The following ABCC11 variants were observed in gnomAD, a reference collection of about 807,000 sequenced individuals.
ABCC11 encodes ATP binding cassette subfamily C member 11.
ABCC11 carries 135 observed loss-of-function variants against 149.3 expected under a neutral mutation model. That is an observed-to-expected ratio of 0.90 (90% CI 0.79 to 1.04). ABCC11 has a LOEUF of 1.04. Among genes scored for constraint, ABCC11 ranks in the 50% least tolerant of loss-of-function variants. ABCC11 has a pLI of 0.00. For synonymous variants in ABCC11, 665 were observed against 671.4 expected (o/e 0.99, Z 0.15); for missense variants, 1,680 against 1,722.1 (o/e 0.98, Z 0.43).
At position 48,222,858 on chromosome 16, in the gene ABCC11, T is replaced by C. The variant is rs1482631111; in HGVS notation, c.544-27A>G. On this transcript the variant is annotated intron_variant, in intron 5 of 29. Coordinates refer to ENST00000356608, the MANE Select transcript of ABCC11 (RefSeq NM_001370497.1). The stretch of plus-strand genomic sequence containing the variant: ...TACAAGGAAATGGGAGTTTGGATCA[T>C]TCAGACCACCCTGCCAGACACGTTT... 5 of 1,569,224 alleles carry C rather than the reference T, an allele frequency of 3.2e-6. No individual in the cohort carries two copies. The African/African-American group carries it at 6.8e-5, about 21-fold the overall frequency.
At chr16:48,183,384 C>T (rs1819736116) in intron 23 of ABCC11, among the ~76,000 whole-genome samples, 1 of 152,240 alleles carries the variant, frequency 6.6e-6, no homozygotes, top group African/African-American at 2.4e-5. Context: ...CATCTCCCAG[C>T]CCCCAGTGTG....
chr16:48,175,168 T>C (rs1965966360), intron 26 of ABCC11, 90 bp downstream of exon 26: 6 of 1,488,838 alleles, frequency 4.0e-6, no homozygotes, highest in South Asian at 2.7e-5. Flanking sequence ...AATCGGGGCA[T>C]TGGTCACCAG....
rs778508011 is a variant in ABCC11 at position 48,196,257 on chromosome 16, G to A, written c.2379C>T (p.Tyr793=). ...CTCCAGCTGCCTGGATGTAGTGGTG[G>A]TAGACCCTCCAACTCAAGGAGCCTT... ...MEEGSLSWRV[Y]HHYIQAAGGY... The change falls in exon 18 of 30, where the codon TAC becomes TAT. Residue 793 remains tyrosine, a synonymous_variant. Transcript: ENST00000356608. The A allele has an allele frequency of 1.9e-6, 3 of 1,614,136 alleles. No homozygotes were observed. The highest frequency in any genetic ancestry group is 2.2e-5 in the East Asian group (1 of 44,864).
intron 6 of ABCC11, among the ~76,000 whole-genome samples, chr16:48,221,737 G>GGTGT (rs71973142): frequency 1.3e-5 from 2 of 150,052 alleles, no homozygotes; most frequent in African/African-American, 4.9e-5. Context: ...AACTATTTGG[G>GGTGT]GTGTGTGTGT....
chr16:48,229,383 G>T (rs916640206), intron 3 of ABCC11, among the ~76,000 whole-genome samples: 1 of 150,270 alleles, frequency 6.7e-6, no homozygotes, highest in Non-Finnish European at 1.5e-5. Context: ...AATGCAGTTT[G>T]TTGATAGATA....
At chr16:48,232,873 G>A (rs1970497959) in intron 1 of ABCC11, among the ~76,000 whole-genome samples, 1 of 152,184 alleles carries the variant, frequency 6.6e-6, no homozygotes, top group Non-Finnish European at 1.5e-5. Context: ...AAATTATGTA[G>A]TTGGTCCTGG....
chr16:48,209,712 A>G (rs1968752956), intron 11 of ABCC11: 1 of 152,226 alleles, frequency 6.6e-6, no homozygotes, highest in Non-Finnish European at 1.5e-5. Flanking sequence ...GTGGGGCGAG[A>G]GATACAAACT....
rs1165250152 is a variant in ABCC11, at chr16:48,193,930, TAAG to T, written c.2454_2456del (p.Phe818del). On this transcript the variant is annotated inframe_deletion, in exon 19 of 30. Transcript: ENST00000356608. The stretch of plus-strand genomic sequence containing the variant: ...TCAGCCACCAGAAGCTGAAGATCGT[TAAG>T]AAGACGATCAGCACCACGAAGAAGA... 1.2e-6 allele frequency: 2 copies of T among 1,613,874 alleles called. No individual in the cohort carries two copies. The highest frequency in any genetic ancestry group is 1.7e-6 in the Non-Finnish European group (2 of 1,179,918).
At chr16:48,213,066 T>A (rs1567268778) in intron 10 of ABCC11, among the ~76,000 whole-genome samples, 2 of 152,190 alleles carry the variant, frequency 1.3e-5, no homozygotes, top group African/African-American at 4.8e-5. Context: ...TTCTAATCAT[T>A]CAAGAGAATT....
chr16:48,170,028 G>A (rs1004554042), intron 28 of ABCC11, 77 bp downstream of exon 28: 1 of 1,134,076 alleles, frequency 8.8e-7, no homozygotes, highest in Non-Finnish European at 1.3e-6. Context: ...GTAGTGAAGG[G>A]AGAGGGAGCC....
rs1383866572 is a variant in ABCC11, at chr16:48,196,255, T to G, written c.2381A>C (p.His794Pro). The G allele has an allele frequency of 6.2e-7, 1 of 1,614,120 alleles. No individual in the cohort carries two copies. Among genetic ancestry groups the G allele is most frequent in the Middle Eastern group, 1.6e-4 (1 of 6,062 alleles). The change falls in exon 18 of 30, where the codon CAC (histidine) becomes CCC (proline). Residue 794 changes from histidine to proline, a missense_variant. His to Pro is a moderately conservative substitution (Grantham distance 77, BLOSUM62 -2). Transcript: ENST00000356608. ...ACCTCCAGCTGCCTGGATGTAGTGGTGGTAGACCCTCCAACTCAAGGAGCC... is the reference window on the plus strand; with the variant it reads ...ACCTCCAGCTGCCTGGATGTAGTGGGGGTAGACCCTCCAACTCAAGGAGCC... ...EEGSLSWRVY[H>P]HYIQAAGGYM... is the part of the protein sequence containing the mutation.
chr16:48,213,420 C>A, intron 10 of ABCC11, 23 bp downstream of exon 10: 1 of 1,596,030 alleles, frequency 6.3e-7, no homozygotes, highest in Non-Finnish European at 8.6e-7. Flanking sequence ...AGGGGGCCTA[C>A]AGCCAGTCCC....
rs1965982096 is a variant in ABCC11 at position 48,175,343 on chromosome 16, C to A, written c.3613G>T (p.Asp1205Tyr). 6.2e-7 allele frequency: 1 copy of A among 1,614,044 alleles called. No individual in the cohort carries two copies. Among genetic ancestry groups the A allele is most frequent in the Admixed American group, 1.7e-5 (1 of 60,006 alleles). ...MAGRILIDGV[D>Y]ICSIGLEDLR... ...TCCTCCAGGCCGATGCTGCAAATGTCCACGCCGTCAATGAGAATCCGGCCT... is the reference window on the plus strand; with the variant it reads ...TCCTCCAGGCCGATGCTGCAAATGTACACGCCGTCAATGAGAATCCGGCCT... Residue 1205 changes from aspartate to tyrosine, a missense_variant, in exon 26 of 30, where the codon GAC becomes TAC. Physicochemically the swap from Asp to Tyr is radical, Grantham distance 160. Transcript: ENST00000356608.
chr16:48,214,795 G>A (rs1033923840), intron 9 of ABCC11, 86 bp downstream of exon 9: 1 of 1,538,104 alleles, frequency 6.5e-7, no homozygotes, highest in South Asian at 1.1e-5. Context: ...AAAGCCTTCA[G>A]ACCTTTGAGG....
intron 1 of ABCC11, among the ~76,000 whole-genome samples, chr16:48,239,171 T>C (rs1970835303): frequency 6.6e-6 from 1 of 152,120 alleles, no homozygotes. Context: ...CTGGGAGAAC[T>C]GGTTAGCCAT....
At chr16:48,170,261 G>C in intron 27 of ABCC11, 43 bp from the exon 28 acceptor site, 1 of 1,522,666 alleles carries the variant, frequency 6.6e-7, no homozygotes, top group Non-Finnish European at 9.1e-7. Context: ...GGAAGCCACT[G>C]TGGGGTGAGA....
intron 14 of ABCC11, among the ~76,000 whole-genome samples, chr16:48,202,431 C>T (rs1030736384): frequency 4.6e-5 from 7 of 151,976 alleles, no homozygotes; most frequent in African/African-American, 9.7e-5. Context: ...GCTAACATGA[C>T]GAAACCCTGT....
chr16:48,205,379 C>A, intron 13 of ABCC11, 34 bp downstream of exon 13: 5 of 1,613,748 alleles, frequency 3.1e-6, no homozygotes, highest in Non-Finnish European at 4.2e-6. Context: ...AGCCACATGC[C>A]CTGTACTCTC....
rs1205593852 is a variant in ABCC11, at chr16:48,203,260, G to C, written c.1846C>G (p.Leu616Val). The change falls in exon 14 of 30, where the codon CTG becomes GTG. Residue 616 changes from leucine (L) to valine (V), a missense_variant. Physicochemically the swap from Leu to Val is conservative, Grantham distance 32. Coordinates refer to ENST00000356608, the MANE Select transcript of ABCC11 (RefSeq NM_001370497.1). The stretch of plus-strand genomic sequence containing the variant: ...ATGTCTCCAAAGGGCAGAAGTTCCA[G>C]GTCCCGATTCAGGGAGCAGCAGTGG... Reference protein sequence around the residue: ...VLHCCSLNRDLELLPFGDMTE... With the variant: ...VLHCCSLNRDVELLPFGDMTE... The C allele has an allele frequency of 6.3e-7, 1 of 1,583,590 alleles. No individual in the cohort carries two copies. The highest frequency in any genetic ancestry group is 1.3e-5 in the African/African-American group (1 of 74,680).
Sources: allele counts gnomAD v4.1 joint callset (sites outside exome capture counted in the v4.1 genomes callset), GRCh38; gene constraint gnomAD v4.1.1; transcripts MANE v1.5; gene names NCBI Gene and HGNC (gene_info 2026-07-23, HGNC 2026-07-21).